ANK1: variants seen among roughly 807,000 people sequenced by gnomAD.
The protein encoded by ANK1 is ankyrin 1.
A neutral mutation model predicts 210.4 loss-of-function variants in ANK1; 51 were observed. That is an observed-to-expected ratio of 0.24 (90% CI 0.19 to 0.31). The LOEUF (loss-of-function observed/expected upper bound fraction) is 0.31, where lower values mean the gene tolerates loss of function less well. Among genes scored for constraint, ANK1 ranks in the 10% least tolerant of loss-of-function variants. The pLI is 1.00. For synonymous variants in ANK1, 967 were observed against 1,025.9 expected (o/e 0.94, Z 1.10); for missense variants, 2,051 against 2,504.4 (o/e 0.82, Z 3.86).
At chr8:41,782,460 C>T (rs556368489) in intron 1 of ANK1, among the ~76,000 whole-genome samples, 1 of 152,240 alleles carries the variant, frequency 6.6e-6, no homozygotes, top group African/African-American at 2.4e-5. Context: ...CTGAACCATT[C>T]CACTCCCCAG....
chr8:41,778,469 T>A (rs1844581876), intron 1 of ANK1, among the ~76,000 whole-genome samples: 1 of 152,196 alleles, frequency 6.6e-6, no homozygotes, highest in Non-Finnish European at 1.5e-5. Context: ...TGGGGATCCA[T>A]TTCAATACCA....
chr8:41,697,666 C>T (rs1821463873), intron 24 of ANK1: 3 of 357,654 alleles, frequency 8.4e-6, no homozygotes, highest in South Asian at 6.6e-5. Flanking sequence ...GCCCTCCTGC[C>T]TGAGCCTGTC....
At chr8:41,874,967 G>A (rs751334874) in intron 1 of ANK1, among the ~76,000 whole-genome samples, 8 of 152,168 alleles carry the variant, frequency 5.3e-5, no homozygotes, top group Admixed American at 2.0e-4. Context: ...TGCTGTCCCC[G>A]CTGCAGCACC....
chr8:41,801,952 T>C (rs922771976), upstream of ANK1, among the ~76,000 whole-genome samples: 17 of 152,210 alleles, frequency 1.1e-4, no homozygotes, highest in African/African-American at 4.1e-4. Flanking sequence ...CAATTTTTTC[T>C]GTATTATATT....
chr8:41,778,077 G>A (rs931321233), intron 1 of ANK1, among the ~76,000 whole-genome samples: 7 of 152,076 alleles, frequency 4.6e-5, no homozygotes, highest in Admixed American at 3.9e-4. Flanking sequence ...AGATAGATAG[G>A]CTTTTTCCTC....
At chr8:41,856,874 C>CTTTTTTTTTTTTTTTTT (rs35341809) in intron 1 of ANK1, among the ~76,000 whole-genome samples, 1 of 95,248 alleles carries the variant, frequency 1.0e-5, no homozygotes, top group African/African-American at 4.8e-5. Flanking sequence ...TAACAGCCCT[C>CTTTTTTTTTTTTTTTTT]TTTTTTTTTT....
intron 6 of ANK1, 114 bp downstream of exon 6, chr8:41,725,642 GCGCAC>G: frequency 1.4e-6 from 2 of 1,393,104 alleles, no homozygotes; most frequent in Non-Finnish European, 2.0e-6. Flanking sequence ...GGCGCTCAGT[GCGCAC>G]TGCCCGCCCT....
intron 1 of ANK1, among the ~76,000 whole-genome samples, chr8:41,871,951 G>A (rs932616169): frequency 6.6e-6 from 1 of 152,200 alleles, no homozygotes; most frequent in Non-Finnish European, 1.5e-5. Flanking sequence ...CGGGATGGGG[G>A]AAGGGAGGGT....
intron 1 of ANK1, among the ~76,000 whole-genome samples, chr8:41,837,892 T>A (rs943152031): frequency 6.6e-6 from 1 of 151,938 alleles, no homozygotes; most frequent in African/African-American, 2.4e-5. Context: ...GTTAATTTAA[T>A]GGGATGACAC....
upstream of ANK1, among the ~76,000 whole-genome samples, chr8:41,798,398 C>T (rs3808640): frequency 1.4e-3 from 220 of 152,222 alleles, 1 homozygote; most frequent in African/African-American, 4.8e-3. Context: ...CCGCAAACAG[C>T]GGCTAGGAGG....
At chr8:41,774,236 G>C (rs114661793) in intron 1 of ANK1, among the ~76,000 whole-genome samples, 1 of 152,126 alleles carries the variant, frequency 6.6e-6, no homozygotes, top group African/African-American at 2.4e-5. Context: ...ATGCAGTTTT[G>C]TGCCCCATGT....
intron 1 of ANK1, among the ~76,000 whole-genome samples, chr8:41,866,877 T>G (rs989613323): frequency 6.6e-6 from 1 of 152,236 alleles, no homozygotes; most frequent in African/African-American, 2.4e-5. Flanking sequence ...CTTGGATTGC[T>G]TCCACCTTTT....
Position 41,863,096 on chromosome 8 carries a change from T to G in ANK1, c.126+33259A>C, listed in dbSNP as rs550874495. On this transcript the variant is annotated intron_variant, in intron 1 of 42. Coordinates refer to the ANK1 transcript ENST00000265709. ...TATTATAGCCGGGCGCGGTGGCTCA[T>G]GCCTGTAATCCCAGCACTTTGGGAG... Among the ~76,000 whole-genome samples, 3 of 152,162 alleles carry G rather than the reference T, an allele frequency of 2.0e-5. 1 individual carries two copies. The South Asian group carries it at 6.2e-4, about 32-fold the overall frequency.
In ANK1 at chr8:41,694,146, G is replaced by C; in HGVS notation, c.3328-44C>G. The C allele has an allele frequency of 5.0e-6, 8 of 1,587,686 alleles. No individual in the cohort carries two copies. Among genetic ancestry groups the C allele is most frequent in the Non-Finnish European group, 6.0e-6 (7 of 1,162,580 alleles). The stretch of plus-strand genomic sequence containing the variant: ...AGGACACTCAGGCCCAAGCAGGAGA[G>C]GGGCTAATCAGACGGGAGGCAGCTC... On this transcript the variant is annotated intron_variant, in intron 28 of 42. Coordinates refer to ENST00000289734, the MANE Select transcript of ANK1 (RefSeq NM_000037.4). The surrounding 1 kb of genome is among the most constrained non-coding windows in gnomAD (Gnocchi z 5.7).
intron 1 of ANK1, among the ~76,000 whole-genome samples, chr8:41,886,635 C>T (rs181420172): frequency 2.6e-5 from 4 of 152,274 alleles, no homozygotes; most frequent in Admixed American, 2.6e-4. Context: ...TGTTGGAGGC[C>T]AAGGATGTGG....
At chr8:41,688,841 T>C (rs537972342) in intron 33 of ANK1, among the ~76,000 whole-genome samples, 1 of 152,304 alleles carries the variant, frequency 6.6e-6, no homozygotes, top group Admixed American at 6.5e-5. Flanking sequence ...CCATCACCTG[T>C]GAGGCCCTAT....
intron 1 of ANK1, among the ~76,000 whole-genome samples, chr8:41,868,168 T>A (rs1479529950): frequency 2.0e-5 from 3 of 152,292 alleles, no homozygotes; most frequent in East Asian, 3.9e-4. Flanking sequence ...CTGAAGCAGG[T>A]TTTAATGATA....
intron 1 of ANK1, among the ~76,000 whole-genome samples, chr8:41,822,118 GAAAGAGAAAGAAAGAGAA>G (rs1255636659): frequency 3.4e-5 from 1 of 29,742 alleles, no homozygotes; most frequent in African/African-American, 1.2e-4. Flanking sequence ...GAGAGAGAAA[GAAAGAGAAAGAAAGAGAA>G]AGAAAGAAAG....
At chr8:41,815,294 A>G (rs564869587) in intron 1 of ANK1, among the ~76,000 whole-genome samples, 1 of 152,088 alleles carries the variant, frequency 6.6e-6, no homozygotes, top group Non-Finnish European at 1.5e-5. Flanking sequence ...TTTTTAAGGC[A>G]GATCACTCAA....
Sources: allele counts gnomAD v4.1 joint callset (sites outside exome capture counted in the v4.1 genomes callset), GRCh38; gene constraint gnomAD v4.1.1; non-coding constraint Gnocchi (gnomAD v3.1); transcripts MANE v1.5; gene names NCBI Gene and HGNC (gene_info 2026-07-23, HGNC 2026-07-21).